ACACB: variants seen among roughly 807,000 people sequenced by gnomAD.
The protein encoded by ACACB is acetyl-CoA carboxylase beta.
In ACACB, 209 loss-of-function variants were observed where a neutral mutation model predicts 278.8. That is an observed-to-expected ratio of 0.75 (90% CI 0.67 to 0.84). ACACB has a LOEUF of 0.84. Among genes scored for constraint, ACACB ranks in the 40% least tolerant of loss-of-function variants. ACACB has a pLI of 0.00. For synonymous variants in ACACB, 1,174 were observed against 1,285.6 expected (o/e 0.91, Z 1.86); for missense variants, 2,850 against 3,269.0 (o/e 0.87, Z 3.13).
intron 13 of ACACB, 100 bp downstream of exon 13, chr12:109,188,262 C>G: frequency 8.2e-7 from 1 of 1,226,122 alleles, no homozygotes; most frequent in African/African-American, 1.5e-5. Flanking sequence ...CTCTTCCTTC[C>G]CTCTTTCTCC....
chr12:109,129,049 G>C (rs1158964463), intron 1 of ACACB, among the ~76,000 whole-genome samples: 2 of 151,918 alleles, frequency 1.3e-5, no homozygotes, highest in Non-Finnish European at 2.9e-5. Flanking sequence ...GGAGGCCAAA[G>C]TGGGAGGATC....
chr12:109,244,362 C>T (rs1300945948), intron 37 of ACACB, among the ~76,000 whole-genome samples: 2 of 152,124 alleles, frequency 1.3e-5, no homozygotes, highest in Non-Finnish European at 2.9e-5. Flanking sequence ...GTTCCTTCAC[C>T]TCTCTGGGCC....
chr12:109,150,978 C>CT (rs2043356275), intron 2 of ACACB, among the ~76,000 whole-genome samples: 1 of 129,386 alleles, frequency 7.7e-6, no homozygotes, highest in African/African-American at 2.8e-5. Context: ...TTTCTTTTTT[C>CT]TTTCTTTTTT....
At chr12:109,215,731 A>C (rs1593598804) in intron 22 of ACACB, among the ~76,000 whole-genome samples, 1 of 152,128 alleles carries the variant, frequency 6.6e-6, no homozygotes, top group East Asian at 1.9e-4. Context: ...GTGCCACCGC[A>C]CTCCAGCCTG....
chr12:109,159,700 G>A (rs34269), intron 2 of ACACB, among the ~76,000 whole-genome samples: 16,759 of 151,922 alleles, frequency 0.11, 1,428 homozygotes, highest in East Asian at 0.37. Context: ...AGCATCCCTG[G>A]TCTCCACCCA....
rs774645633 is a variant in ACACB, at chr12:109,239,991, G to A, written c.4818+6G>A. ...TCATCATGGACCCCTTCAAGGTCTC[G>A]CCTTTGCAGGGGGGCTCTCACCGGG... On this transcript the variant is annotated splice_donor_region_variant and intron_variant, in intron 35 of 52. Coordinates refer to ENST00000338432, the MANE Select transcript of ACACB (RefSeq NM_001093.4). The A allele has an allele frequency of 8.1e-6, 13 of 1,612,302 alleles. No homozygotes were observed. The highest frequency in any genetic ancestry group is 2.2e-5 in the East Asian group (1 of 44,758).
intron 11 of ACACB, among the ~76,000 whole-genome samples, chr12:109,180,892 G>A (rs977797746): frequency 2.0e-5 from 3 of 152,080 alleles, no homozygotes; most frequent in African/African-American, 7.2e-5. Context: ...TCACCCTGTT[G>A]TACTATATCA....
At chr12:109,254,403 A>C in intron 44 of ACACB, 69 bp downstream of exon 44, 5 of 1,432,966 alleles carry the variant, frequency 3.5e-6, no homozygotes, top group Non-Finnish European at 2.8e-6. Context: ...ACAAAGGAGC[A>C]CTTTGTCTCA....
chr12:109,159,603 ACC>A (rs1435567851), intron 2 of ACACB, among the ~76,000 whole-genome samples: 1 of 152,138 alleles, frequency 6.6e-6, no homozygotes, highest in Non-Finnish European at 1.5e-5. Flanking sequence ...GCCGCAGTCT[ACC>A]AGAGTTTCTA....
chr12:109,227,644 C>T (rs577020706), intron 28 of ACACB, among the ~76,000 whole-genome samples, 155 bp downstream of exon 28: 3 of 152,342 alleles, frequency 2.0e-5, no homozygotes, highest in Admixed American at 2.0e-4. Flanking sequence ...CCTGCAGCGC[C>T]ATTTTCTCCC....
chr12:109,197,319 C>T (rs1293201713), intron 17 of ACACB, among the ~76,000 whole-genome samples, 166 bp downstream of exon 17: 1 of 152,134 alleles, frequency 6.6e-6, no homozygotes, highest in Non-Finnish European at 1.5e-5. Flanking sequence ...GGTTGGAATT[C>T]TGTGCAACTG....
intron 6 of ACACB, 84 bp downstream of exon 6, chr12:109,172,440 C>T: frequency 7.6e-7 from 1 of 1,308,986 alleles, no homozygotes; most frequent in Non-Finnish European, 1.1e-6. Context: ...CTCCTCCTGT[C>T]CTGTAAAGCG....
intron 28 of ACACB, 132 bp downstream of exon 28, chr12:109,227,621 C>T: frequency 1.3e-6 from 1 of 786,734 alleles, no homozygotes; most frequent in Non-Finnish European, 2.1e-6. Flanking sequence ...AAGCACTTCC[C>T]CTGTGGGAGC....
In ACACB at chr12:109,256,185, T is replaced by G; in HGVS notation, c.6212T>G (p.Phe2071Cys). The G allele has an allele frequency of 6.2e-7, 1 of 1,613,964 alleles. No individual in the cohort carries two copies. Among genetic ancestry groups the G allele is most frequent in the Non-Finnish European group, 8.5e-7 (1 of 1,179,926 alleles). Residue 2071 changes from phenylalanine to cysteine, a missense_variant, in exon 45 of 53, where the codon TTC becomes TGC. Around this residue, in one of 3 missense-constraint regions of ACACB, gnomAD observed 579 missense variants for 684.6 expected, o/e 0.85. Coordinates refer to ENST00000338432, the MANE Select transcript of ACACB (RefSeq NM_001093.4). ...AGCGGATTCTTTGACCACGGCAGTT[T>G]CAAGGAAATCATGGCACCCTGGGCG... ...WQSGFFDHGS[F>C]KEIMAPWAQT... is the part of the protein sequence containing the mutation.
intron 11 of ACACB, among the ~76,000 whole-genome samples, chr12:109,183,365 C>T (rs1218054866): frequency 2.6e-5 from 4 of 151,914 alleles, no homozygotes; most frequent in Non-Finnish European, 4.4e-5. Flanking sequence ...CTATAGATTG[C>T]TTTGGGTAAT....
At chr12:109,264,471 A>G in intron 50 of ACACB, 85 bp downstream of exon 50, 12 of 946,036 alleles carry the variant, frequency 1.3e-5, no homozygotes, top group South Asian at 2.6e-5. Flanking sequence ...GGGGGCGGGG[A>G]GGGCGGTGGT....
rs373683126 is a variant in ACACB at position 109,199,550 on chromosome 12, G to A, written c.2776G>A (p.Glu926Lys). 1.4e-5 allele frequency: 21 copies of A among 1,472,900 alleles called. No individual in the cohort carries two copies. Among genetic ancestry groups the A allele is most frequent in the Admixed American group, 4.6e-5 (2 of 43,548 alleles). The allele number at this position is 1,472,900 out of a possible 1,614,324, so 91.2% of individuals were successfully genotyped here. Residue 926 changes from glutamate to lysine, a missense_variant and splice_region_variant, in exon 18 of 53, where the codon GAG (glutamate) becomes AAG (lysine). Transcript: ENST00000338432. ...GGCTGGGAGCAGCTACGCTGAGATG[G>A]AGGTGACTGCAGAGCCGGCCGTGGG... The part of the protein sequence containing the change: ...VEAGSSYAEM[E>K]VMKMIMTLNV...
intron 13 of ACACB, among the ~76,000 whole-genome samples, chr12:109,188,472 T>C (rs1402018560): frequency 7.0e-6 from 1 of 143,126 alleles, no homozygotes; most frequent in Non-Finnish European, 1.5e-5. Context: ...CCTCCTTCCT[T>C]CTTTTCCTGA....
intron 2 of ACACB, among the ~76,000 whole-genome samples, chr12:109,148,978 A>C (rs564829828): frequency 5.1e-4 from 77 of 152,310 alleles, no homozygotes; most frequent in Admixed American, 1.3e-3. Flanking sequence ...TATAATAATA[A>C]AACAGTATAA....
Sources: allele counts gnomAD v4.1 joint callset (sites outside exome capture counted in the v4.1 genomes callset), GRCh38; gene constraint gnomAD v4.1.1; regional missense constraint gnomAD v4.1.1; transcripts MANE v1.5; gene names NCBI Gene and HGNC (gene_info 2026-07-23, HGNC 2026-07-21).